The following KLF8 variants were observed in gnomAD, a reference collection of about 807,000 sequenced individuals.
KLF8 encodes KLF transcription factor 8.
KLF8 carries 10 observed loss-of-function variants against 18.2 expected under a neutral mutation model. The ratio of observed to expected loss-of-function variants is 0.55; its 90% CI spans 0.34 to 0.93. The LOEUF (loss-of-function observed/expected upper bound fraction) is 0.93, where lower values mean the gene tolerates loss of function less well. Ranked by LOEUF, KLF8 falls within the 40% of genes least tolerant of loss-of-function variation. KLF8 has a pLI of 0.02. For missense variants in KLF8, 264 were observed against 277.9 expected, an observed-to-expected ratio of 0.95 and a Z score of 0.36; for synonymous variants, 109 against 97.3, an observed-to-expected ratio of 1.12 and a Z score of -0.71.
At chrX:56,008,779 A>C in the KLF8 span, among the ~76,000 whole-genome samples, 1 of 112,011 alleles carries the variant, frequency 8.9e-6, no homozygotes, top group Non-Finnish European at 1.9e-5. Context: ...GCAGTTTGGA[A>C]CCAGGAGGAA....
At chrX:55,988,747 T>C in the KLF8 span, among the ~76,000 whole-genome samples, 2 of 111,726 alleles carry the variant, frequency 1.8e-5, no homozygotes, top group Non-Finnish European at 3.8e-5. Context: ...AGAAAGTCGT[T>C]GGTAGCTTGA....
the KLF8 span, among the ~76,000 whole-genome samples, chrX:55,993,636 T>C: frequency 8.9e-6 from 1 of 111,746 alleles, no homozygotes; most frequent in Non-Finnish European, 1.9e-5. Context: ...TAGGGAGGAG[T>C]CCTTCCTTCT....
At chrX:56,187,167 G>A in the KLF8 span, among the ~76,000 whole-genome samples, 199 of 110,922 alleles carry the variant, frequency 1.8e-3, no homozygotes, top group South Asian at 0.011. Flanking sequence ...TCAAATAGAC[G>A]CAATAAAAAA....
chrX:56,032,559 A>G, the KLF8 span, among the ~76,000 whole-genome samples: 1 of 111,612 alleles, frequency 9.0e-6, no homozygotes, highest in African/African-American at 3.3e-5. Context: ...TTCATTATAA[A>G]CTGTTATATA....
the KLF8 span, among the ~76,000 whole-genome samples, chrX:56,170,348 A>T: frequency 9.0e-6 from 1 of 111,164 alleles, no homozygotes; most frequent in South Asian, 3.8e-4. Context: ...TAAATAAGGA[A>T]CCAGGGACCA....
the KLF8 span, among the ~76,000 whole-genome samples, chrX:56,078,141 C>T: frequency 1.8e-5 from 2 of 111,766 alleles, no homozygotes; most frequent in Admixed American, 1.9e-4. Flanking sequence ...ATTTCCTTCT[C>T]CTGCCTAATT....
the KLF8 span, among the ~76,000 whole-genome samples, chrX:55,970,391 A>T: frequency 1.8e-5 from 2 of 111,636 alleles, no homozygotes; most frequent in Non-Finnish European, 3.8e-5. Flanking sequence ...CATTATAAAA[A>T]CCCTCAACAA....
At chrX:56,070,305 C>T in the KLF8 span, among the ~76,000 whole-genome samples, 3 of 111,058 alleles carry the variant, frequency 2.7e-5, no homozygotes. Flanking sequence ...GCATGTGGGG[C>T]TTAAAACCTA....
the KLF8 span, among the ~76,000 whole-genome samples, chrX:56,019,242 T>C: frequency 1.8e-5 from 2 of 112,363 alleles, no homozygotes; most frequent in African/African-American, 6.5e-5. Context: ...GACCAGATCT[T>C]CTCAGATAGT....
chrX:55,913,344 T>C, the KLF8 span, among the ~76,000 whole-genome samples: 3 of 111,820 alleles, frequency 2.7e-5, no homozygotes, highest in Non-Finnish European at 1.9e-5. Context: ...TTCCTAGTTT[T>C]TCAGAATGTG....
chrX:56,002,201 A>T, the KLF8 span, among the ~76,000 whole-genome samples: 94 of 112,188 alleles, frequency 8.4e-4, no homozygotes, highest in Non-Finnish European at 1.3e-3. Flanking sequence ...TCCTTTACGT[A>T]TCAAAGCCTT....
At chrX:56,165,810 A>G in the KLF8 span, among the ~76,000 whole-genome samples, 1 of 109,010 alleles carries the variant, frequency 9.2e-6, no homozygotes, top group Non-Finnish European at 1.9e-5. Flanking sequence ...GTAGTGAGCT[A>G]TGATTGCACC....
At chrX:56,189,321 A>C in the KLF8 span, among the ~76,000 whole-genome samples, 1 of 112,155 alleles carries the variant, frequency 8.9e-6, no homozygotes, top group African/African-American at 3.2e-5. Flanking sequence ...CCACAGTGAG[A>C]TATTATCTCA....
chrX:56,157,381 C>T, the KLF8 span, among the ~76,000 whole-genome samples: 38 of 108,861 alleles, frequency 3.5e-4, no homozygotes, highest in Non-Finnish European at 5.9e-4. Flanking sequence ...ACTTAAAGTA[C>T]AATAAAAATA....
the KLF8 span, among the ~76,000 whole-genome samples, chrX:56,182,711 C>A: frequency 8.9e-6 from 1 of 112,629 alleles, no homozygotes; most frequent in Admixed American, 9.4e-5. Context: ...AGCTGTAGGT[C>A]TGTTGGAGTT....
chrX:56,189,276 A>G, the KLF8 span, among the ~76,000 whole-genome samples: 5 of 112,423 alleles, frequency 4.4e-5, no homozygotes, highest in African/African-American at 9.7e-5. Context: ...AAAAATGCTC[A>G]TCATCACTGG....
At chrX:56,139,752 C>T in the KLF8 span, among the ~76,000 whole-genome samples, 1 of 111,270 alleles carries the variant, frequency 9.0e-6, no homozygotes, top group African/African-American at 3.3e-5. Context: ...AAAAACAATA[C>T]CAAGAAAAGC....
the KLF8 span, among the ~76,000 whole-genome samples, chrX:56,002,417 ATGTGTGTGTG>A: frequency 0.067 from 6,177 of 92,280 alleles, 374 homozygotes; most frequent in African/African-American, 0.25. Context: ...ATTTGTGTGT[ATGTGTGTGTG>A]TGTGTGTGTG....
the KLF8 span, among the ~76,000 whole-genome samples, chrX:56,016,291 T>A: frequency 8.9e-6 from 1 of 112,365 alleles, no homozygotes; most frequent in Admixed American, 9.5e-5. Flanking sequence ...GAGTGAGTAT[T>A]CAGCACATTT....
Sources: allele counts gnomAD v4.1 joint callset (sites outside exome capture counted in the v4.1 genomes callset), GRCh38; gene constraint gnomAD v4.1.1; transcripts MANE v1.5; gene names NCBI Gene and HGNC (gene_info 2026-07-23, HGNC 2026-07-21).